The following TBC1D30 variants were observed in gnomAD, a reference collection of about 807,000 sequenced individuals.
The protein encoded by TBC1D30 is TBC1 domain family, member 30.
TBC1D30 carries 31 observed loss-of-function variants against 63.2 expected under a neutral mutation model. The ratio of observed to expected loss-of-function variants is 0.49; its 90% CI spans 0.37 to 0.66. TBC1D30 has a LOEUF of 0.66. Among genes scored for constraint, TBC1D30 ranks in the 30% least tolerant of loss-of-function variants. The pLI is 0.00. For missense variants in TBC1D30, 810 were observed against 953.6 expected (o/e 0.85, Z 1.98); for synonymous variants, 307 against 361.5 (o/e 0.85, Z 1.71).
At chr12:64,829,346 A>G (rs55747137) in intron 3 of TBC1D30, among the ~76,000 whole-genome samples, 4,532 of 152,236 alleles carry the variant, frequency 0.03, 245 homozygotes, top group African/African-American at 0.1. Flanking sequence ...TGGAAATCCT[A>G]GACGTATTTT....
At chr12:64,807,098 C>T (rs1213713321) in intron 2 of TBC1D30, among the ~76,000 whole-genome samples, 2 of 152,126 alleles carry the variant, frequency 1.3e-5, no homozygotes, top group Non-Finnish European at 2.9e-5. Flanking sequence ...CCCAGAATCC[C>T]CACATGTGGA....
chr12:64,762,126 T>C (rs1870539401), intron 1 of TBC1D30, among the ~76,000 whole-genome samples: 1 of 152,316 alleles, frequency 6.6e-6, no homozygotes, highest in African/African-American at 2.4e-5. Context: ...GAAGTTTGAG[T>C]AGGAGATAAT....
chr12:64,845,808 T>C (rs1876326083), intron 8 of TBC1D30, among the ~76,000 whole-genome samples: 1 of 152,022 alleles, frequency 6.6e-6, no homozygotes, highest in African/African-American at 2.4e-5. Flanking sequence ...TATAGGTGTT[T>C]GCCACCATGC....
chr12:64,770,181 T>G (rs543645420), intron 1 of TBC1D30, among the ~76,000 whole-genome samples: 2 of 152,358 alleles, frequency 1.3e-5, no homozygotes, highest in South Asian at 4.1e-4. Flanking sequence ...GATATTTGAT[T>G]TGCCATGTTG....
chr12:64,813,060 A>G (rs911100210), intron 2 of TBC1D30, among the ~76,000 whole-genome samples: 1 of 152,144 alleles, frequency 6.6e-6, no homozygotes, highest in Non-Finnish European at 1.5e-5. Context: ...TTGGTAATCT[A>G]TGACAAATGT....
At chr12:64,765,017 T>C (rs1870652628) in intron 1 of TBC1D30, among the ~76,000 whole-genome samples, 2 of 152,186 alleles carry the variant, frequency 1.3e-5, no homozygotes, top group Non-Finnish European at 2.9e-5. Context: ...TAAACTATCA[T>C]GAGTAAAAAG....
intron 1 of TBC1D30, among the ~76,000 whole-genome samples, chr12:64,768,195 A>G (rs111391329): frequency 0.041 from 6,228 of 152,292 alleles, 409 homozygotes; most frequent in African/African-American, 0.14. Context: ...CTTTAAAAAT[A>G]TCTTATTACT....
chr12:64,795,691 G>A (rs1358301988), intron 2 of TBC1D30, among the ~76,000 whole-genome samples: 1 of 146,000 alleles, frequency 6.8e-6, no homozygotes, highest in Admixed American at 6.9e-5. Flanking sequence ...ATTCATTGCT[G>A]TTCTCCACGC....
At chr12:64,782,336 T>G (rs542415185) in intron 1 of TBC1D30, among the ~76,000 whole-genome samples, 26 of 151,944 alleles carry the variant, frequency 1.7e-4, no homozygotes, top group African/African-American at 6.0e-4. Flanking sequence ...TCTGTCTGCT[T>G]TCTCAGACCT....
chr12:64,836,474 A>T lies in TBC1D30; in HGVS notation c.595-16A>T, dbSNP rs1875362611. 2 of 1,530,072 alleles carry T rather than the reference A, an allele frequency of 1.3e-6. No homozygotes were observed. The highest frequency in any genetic ancestry group is 1.4e-5 in the African/African-American group (1 of 72,750). The allele number at this position is 1,530,072 out of a possible 1,614,324, so 94.8% of individuals were successfully genotyped here. On this transcript the variant is annotated splice_polypyrimidine_tract_variant and intron_variant, in intron 5 of 11. Coordinates refer to ENST00000539867, the MANE Select transcript of TBC1D30 (RefSeq NM_015279.2). ...TTTTTACAAAGCAGTCTTAAGCTTT[A>T]TCTTTTTTTCTTTAGATTATGATTT... is the stretch of plus-strand genomic sequence containing the variant.
chr12:64,789,740 G>GA (rs1349529671), intron 2 of TBC1D30, among the ~76,000 whole-genome samples: 1 of 152,056 alleles, frequency 6.6e-6, no homozygotes, highest in Non-Finnish European at 1.5e-5. Flanking sequence ...CTGGGAATAA[G>GA]AAAAACAAGA....
intron 2 of TBC1D30, among the ~76,000 whole-genome samples, chr12:64,798,454 G>C (rs1872406515): frequency 6.6e-6 from 1 of 152,204 alleles, no homozygotes; most frequent in Non-Finnish European, 1.5e-5. Context: ...TTTCAGGATA[G>C]AATTATGTAT....
intron 1 of TBC1D30, 34 bp downstream of exon 1, chr12:64,825,067 A>G (rs755742096): frequency 5.3e-6 from 8 of 1,514,926 alleles, no homozygotes; most frequent in African/African-American, 1.4e-5. Flanking sequence ...GGGGCGCTGT[A>G]AAGTAGCGCC....
Position 64,875,147 on chromosome 12 carries a change from A to T in TBC1D30, c.1645A>T (p.Ile549Leu). Residue 549 changes from isoleucine (I) to leucine (L), a missense_variant, in exon 12 of 12, where the codon ATA becomes TTA. Physicochemically the swap from Ile to Leu is conservative, Grantham distance 5. Coordinates refer to ENST00000539867, the MANE Select transcript of TBC1D30 (RefSeq NM_015279.2). ...IHIPGHTGGK[I>L]SPVPYEDLKT... Reference sequence around the variant, plus strand: ...CATCCCTGGTCACACAGGAGGGAAAATATCTCCTGTCCCCTACGAAGACCT... The same window carrying T: ...CATCCCTGGTCACACAGGAGGGAAATTATCTCCTGTCCCCTACGAAGACCT... 1.0e-5 allele frequency: 16 copies of T among 1,536,360 alleles called. No homozygotes were observed. The highest frequency in any genetic ancestry group is 1.3e-5 in the Non-Finnish European group (15 of 1,146,930).
In TBC1D30 at chr12:64,836,419, T is replaced by C. The variant is rs1038634995; in HGVS notation, c.595-71T>C. On this transcript the variant is annotated intron_variant, in intron 5 of 11. Transcript: ENST00000539867. ...AGCGTTTTATCTATTTGAATACTTATTTTCTCTTTAGGACGTGTTGGGATC... is the reference window on the plus strand; with the variant it reads ...AGCGTTTTATCTATTTGAATACTTACTTTCTCTTTAGGACGTGTTGGGATC... The C allele has an allele frequency of 5.6e-6, 7 of 1,255,270 alleles. No individual in the cohort carries two copies. The African/African-American group carries it at 1.1e-4, about 19-fold the overall frequency. 77.8% of individuals were successfully genotyped at this position (1,255,270 alleles called of 1,614,324 possible). A position where few individuals can be genotyped will look rare whatever the true frequency, so the allele number is the denominator to read the frequency against.
chr12:64,811,309 C>T (rs1463469509), intron 2 of TBC1D30, among the ~76,000 whole-genome samples: 2 of 152,184 alleles, frequency 1.3e-5, no homozygotes, highest in African/African-American at 2.4e-5. Flanking sequence ...CAGCTGCTCC[C>T]TGCATGGGAG....
chr12:64,808,922 C>T (rs1873041596), intron 2 of TBC1D30, among the ~76,000 whole-genome samples: 2 of 152,084 alleles, frequency 1.3e-5, no homozygotes, highest in Non-Finnish European at 2.9e-5. Context: ...GTATGTATTA[C>T]CACATTTTGT....
intron 7 of TBC1D30, among the ~76,000 whole-genome samples, chr12:64,839,911 A>G (rs775512786): frequency 2.7e-5 from 4 of 150,042 alleles, no homozygotes; most frequent in Non-Finnish European, 5.9e-5. Context: ...AGGCTGAGGC[A>G]GGAGAATGGC....
chr12:64,827,353 G>C (rs577411861), intron 1 of TBC1D30, among the ~76,000 whole-genome samples: 7 of 152,322 alleles, frequency 4.6e-5, no homozygotes, highest in South Asian at 2.1e-4. Flanking sequence ...GGAGGCTGAG[G>C]TGGGAGGATT....
Sources: allele counts gnomAD v4.1 joint callset (sites outside exome capture counted in the v4.1 genomes callset), GRCh38; gene constraint gnomAD v4.1.1; transcripts MANE v1.5; gene names NCBI Gene and HGNC (gene_info 2026-07-23, HGNC 2026-07-21).